BLTP1: variants seen among roughly 807,000 people sequenced by gnomAD.
BLTP1 encodes fragile site-associated protein.
chr4:122,232,093 G>A, the BLTP1 span: 3 of 985,272 alleles, frequency 3.0e-6, no homozygotes, highest in African/African-American at 1.7e-5. Context: ...CAGGTGACTC[G>A]AGTTGCTCCA....
the BLTP1 span, among the ~76,000 whole-genome samples, chr4:122,162,924 C>A: frequency 2.5e-4 from 38 of 152,242 alleles, no homozygotes; most frequent in East Asian, 7.0e-3. Flanking sequence ...AAGAAATGTT[C>A]CTCTTTCTAT....
At chr4:122,236,677 C>G in the BLTP1 span, 3 of 769,486 alleles carry the variant, frequency 3.9e-6, no homozygotes, top group African/African-American at 3.8e-5. Flanking sequence ...TTAACCATCA[C>G]AAACTCAAGA....
the BLTP1 span, chr4:122,343,499 T>C: frequency 3.7e-6 from 6 of 1,614,130 alleles, no homozygotes; most frequent in African/African-American, 4.0e-5. Context: ...TTCATCTGGC[T>C]TGAGCTTCAC....
At chr4:122,170,133 C>T in the BLTP1 span, 2 of 394,072 alleles carry the variant, frequency 5.1e-6, no homozygotes, top group Non-Finnish European at 6.9e-6. Flanking sequence ...ATGGAGAAAC[C>T]CCATCTCTAC....
the BLTP1 span, among the ~76,000 whole-genome samples, chr4:122,281,087 T>G: frequency 6.6e-6 from 1 of 152,124 alleles, no homozygotes; most frequent in African/African-American, 2.4e-5. Flanking sequence ...TAAAGTGAGA[T>G]AAATGAGACA....
chr4:122,187,994 C>A, the BLTP1 span: 1 of 1,597,830 alleles, frequency 6.3e-7, no homozygotes, highest in Admixed American at 1.7e-5. Flanking sequence ...TTCAAGTCAT[C>A]TTGACCAATT....
the BLTP1 span, among the ~76,000 whole-genome samples, chr4:122,312,148 G>A: frequency 1.3e-5 from 2 of 152,024 alleles, no homozygotes; most frequent in Non-Finnish European, 2.9e-5. Flanking sequence ...CAATCCTCCC[G>A]CCTCAGCCCC....
the BLTP1 span, chr4:122,250,582 C>T: frequency 1.9e-6 from 3 of 1,610,514 alleles, no homozygotes; most frequent in South Asian, 3.3e-5. Flanking sequence ...AGGTTAGTGA[C>T]TTTCTAATAG....
the BLTP1 span, among the ~76,000 whole-genome samples, chr4:122,214,780 T>G: frequency 2.0e-5 from 3 of 151,792 alleles, no homozygotes; most frequent in South Asian, 2.1e-4. Flanking sequence ...CCTGGATAAT[T>G]TTTGTATTTT....
At chr4:122,257,518 A>G in the BLTP1 span, 2 of 1,611,102 alleles carry the variant, frequency 1.2e-6, no homozygotes, top group African/African-American at 2.7e-5. Context: ...GCCTCTATTG[A>G]GTACTTTCTT....
the BLTP1 span, chr4:122,172,984 A>G: frequency 3.7e-6 from 6 of 1,605,884 alleles, no homozygotes; most frequent in African/African-American, 1.3e-5. Flanking sequence ...AAGAGGACAC[A>G]TTACTGTGTA....
At chr4:122,246,886 T>A in the BLTP1 span, 5 of 1,543,620 alleles carry the variant, frequency 3.2e-6, no homozygotes, top group Non-Finnish European at 4.4e-6. Flanking sequence ...TCTTTTCTTT[T>A]AAAAATACAT....
chr4:122,154,328 T>C, the BLTP1 span: 2 of 985,124 alleles, frequency 2.0e-6, no homozygotes, highest in Non-Finnish European at 2.4e-6. Flanking sequence ...GACTTTCTGC[T>C]TCAGTTGTGG....
the BLTP1 span, among the ~76,000 whole-genome samples, chr4:122,161,533 T>A: frequency 1.3e-5 from 2 of 151,664 alleles, no homozygotes; most frequent in African/African-American, 4.8e-5. Flanking sequence ...CAGGCTTAAG[T>A]GTCCTTCCCA....
the BLTP1 span, chr4:122,173,070 C>T: frequency 1.9e-6 from 3 of 1,612,622 alleles, no homozygotes; most frequent in South Asian, 2.2e-5. Context: ...TTATTTACCT[C>T]ACATATTATA....
At chr4:122,276,075 GT>G in the BLTP1 span, 2 of 1,413,496 alleles carry the variant, frequency 1.4e-6, no homozygotes, top group Non-Finnish European at 1.9e-6. Context: ...GTATTGAATA[GT>G]TTTTAAAATA....
At chr4:122,355,112 TACTG>T in the BLTP1 span, among the ~76,000 whole-genome samples, 3 of 152,196 alleles carry the variant, frequency 2.0e-5, no homozygotes, top group Admixed American at 2.0e-4. Flanking sequence ...ATTATGCCTG[TACTG>T]ACTATTTTAC....
chr4:122,213,554 TAG>T, the BLTP1 span, among the ~76,000 whole-genome samples: 2 of 152,078 alleles, frequency 1.3e-5, no homozygotes, highest in East Asian at 3.8e-4. Flanking sequence ...TGTCTTTTTT[TAG>T]TTATCAAAAT....
chr4:122,305,731 C>G, the BLTP1 span: 6 of 1,296,566 alleles, frequency 4.6e-6, no homozygotes, highest in South Asian at 4.1e-5. Context: ...GTTTATGGTA[C>G]AGAGTATAAG....
Sources: gnomAD v4.1 joint callset for allele counts (sites outside exome capture counted in the v4.1 genomes callset) on GRCh38, gnomAD v4.1.1 for gene constraint, MANE v1.5 for transcripts, NCBI Gene and HGNC (gene_info 2026-07-23, HGNC 2026-07-21) for gene names.